Variants in ATP10D observed in about 807,000 individuals in gnomAD.
ATP10D encodes the protein ATPase phospholipid transporting 10D (putative).
ATP10D carries 89 observed loss-of-function variants against 144.8 expected under a neutral mutation model. That is an observed-to-expected ratio of 0.61 (90% CI 0.52 to 0.73). The LOEUF (loss-of-function observed/expected upper bound fraction) is 0.73, where lower values mean the gene tolerates loss of function less well. Ranked by LOEUF, ATP10D falls within the 30% of genes least tolerant of loss-of-function variation. The probability of loss-of-function intolerance (pLI) is 0.00; values close to 1 mark genes in which losing one functional copy is unlikely to be tolerated. For missense variants in ATP10D, 1,603 were observed against 1,714.8 expected (o/e 0.93, Z 1.15); for synonymous variants, 571 against 615.1 (o/e 0.93, Z 1.06).
chr4:47,577,510 G>A (rs1234589382), intron 19 of ATP10D, among the ~76,000 whole-genome samples: 1 of 151,006 alleles, frequency 6.6e-6, no homozygotes, highest in African/African-American at 2.4e-5. Flanking sequence ...GGTTCTTTAT[G>A]GGAATGAAGT....
At chr4:47,514,466 A>T (rs1165128865) in intron 2 of ATP10D, among the ~76,000 whole-genome samples, 4 of 152,216 alleles carry the variant, frequency 2.6e-5, no homozygotes, top group Non-Finnish European at 5.9e-5. Context: ...GGTGACAAAA[A>T]AGAAGTATAT....
At position 47,557,761 on chromosome 4, in the gene ATP10D, C is replaced by G; in HGVS notation, c.1922C>G (p.Ser641Trp). ...TCTGTCCGAAGATCAAGTTCTCCAT[C>G]GCTTAACAGTGGGAAAGAGCCATCT... ...RWSVRRSSSP[S>W]LNSGKEPSSG... The change falls in exon 12 of 23, where the codon TCG (serine) becomes TGG (tryptophan). Residue 641 changes from serine to tryptophan, a missense_variant. Coordinates refer to ENST00000273859, the MANE Select transcript of ATP10D (RefSeq NM_020453.4). 6.2e-7 allele frequency: 1 copy of G among 1,614,218 alleles called. No individual in the cohort carries two copies. The highest frequency in any genetic ancestry group is 8.5e-7 in the Non-Finnish European group (1 of 1,180,034).
chr4:47,572,676 TG>T (rs1720018739), intron 17 of ATP10D, among the ~76,000 whole-genome samples, 195 bp from the exon 18 acceptor site: 6 of 141,902 alleles, frequency 4.2e-5, no homozygotes, highest in Admixed American at 2.9e-4. Flanking sequence ...TGTGTGTGTG[TG>T]TGTTGGATGG....
chr4:47,501,510 A>G (rs1315832979), intron 1 of ATP10D, among the ~76,000 whole-genome samples: 4 of 152,146 alleles, frequency 2.6e-5, no homozygotes, highest in African/African-American at 9.7e-5. Context: ...CTCTTCTCCT[A>G]TTCTCTCTCC....
Position 47,523,226 on chromosome 4 carries a change from A to G in ATP10D, c.690+10A>G. 6.2e-7 allele frequency: 1 copy of G among 1,610,116 alleles called. No individual in the cohort carries two copies. Among genetic ancestry groups the G allele is most frequent in the Non-Finnish European group, 8.5e-7 (1 of 1,176,502 alleles). On this transcript the variant is annotated intron_variant, in intron 4 of 22. Coordinates refer to ENST00000273859, the MANE Select transcript of ATP10D (RefSeq NM_020453.4). ...GGGATATGCAGAACAGGTAAGTCAT[A>G]TGTTCTCAGTTAGTGGCTTATTAAC...
At chr4:47,580,615 C>A in intron 20 of ATP10D, 137 bp downstream of exon 20, 1 of 757,786 alleles carries the variant, frequency 1.3e-6, no homozygotes, top group Non-Finnish European at 2.3e-6. Context: ...AAATTATAAT[C>A]TCCCCAAAAA....
chr4:47,591,222 A>C lies in ATP10D; in HGVS notation c.4122A>C (p.Arg1374Ser), dbSNP rs764328031. Reference protein sequence around the residue: ...ANQSAGKSGRRPMPGPSAVFA... With the variant: ...ANQSAGKSGRSPMPGPSAVFA... ...AATCAGCTGGCAAGTCAGGAAGAAGACCCATGCCTGGCCCTTCTGCTGTAT... is the reference window on the plus strand; with the variant it reads ...AATCAGCTGGCAAGTCAGGAAGAAGCCCCATGCCTGGCCCTTCTGCTGTAT... Residue 1374 changes from arginine (R) to serine (S), a missense_variant, in exon 23 of 23, where the codon AGA becomes AGC. Coordinates refer to ENST00000273859, the MANE Select transcript of ATP10D (RefSeq NM_020453.4). 5.0e-6 allele frequency: 8 copies of C among 1,613,428 alleles called. No homozygotes were observed. The highest frequency in any genetic ancestry group is 6.8e-6 in the Non-Finnish European group (8 of 1,179,614).
Position 47,536,449 on chromosome 4 carries a change from G to A in ATP10D, c.1028G>A (p.Trp343Ter), listed in dbSNP as rs755089954. The change falls in exon 8 of 23, where the codon TGG becomes TAG. Residue 343 changes from tryptophan to a stop codon, truncating the protein, a stop_gained. Coordinates refer to ENST00000273859, the MANE Select transcript of ATP10D (RefSeq NM_020453.4). LOFTEE classifies it high-confidence loss of function. ...TATTTTTTGAAAGGTCATGGAATCT[G>A]GCTGAGCAGGTATGAAAAGATGCAT... ...CLTGAVGHGI[W>*]LSRYEKMHFF... 2 of 1,613,456 alleles carry A rather than the reference G, an allele frequency of 1.2e-6. No individual in the cohort carries two copies. Among genetic ancestry groups the A allele is most frequent in the Non-Finnish European group, 8.5e-7 (1 of 1,179,616 alleles).
chr4:47,555,915 G>T (rs1718970672), intron 11 of ATP10D, among the ~76,000 whole-genome samples: 1 of 152,028 alleles, frequency 6.6e-6, no homozygotes, highest in African/African-American at 2.4e-5. Flanking sequence ...AACCACGCCT[G>T]GCTAATTTTT....
At chr4:47,525,974 C>A (rs1426774676) in intron 5 of ATP10D, among the ~76,000 whole-genome samples, 1 of 152,200 alleles carries the variant, frequency 6.6e-6, no homozygotes, top group South Asian at 2.1e-4. Flanking sequence ...CACTTTGATC[C>A]TCAGTTTCCT....
intron 1 of ATP10D, among the ~76,000 whole-genome samples, chr4:47,498,905 C>T (rs1320470937): frequency 1.3e-5 from 2 of 152,204 alleles, no homozygotes; most frequent in African/African-American, 4.8e-5. Flanking sequence ...CAACTTATCA[C>T]ATGAAGCTGG....
At chr4:47,488,406 A>C (rs1714883416) in intron 1 of ATP10D, among the ~76,000 whole-genome samples, 1 of 152,158 alleles carries the variant, frequency 6.6e-6, no homozygotes, top group East Asian at 1.9e-4. Context: ...TCCTGTTTGC[A>C]TACAAGTTTC....
chr4:47,557,084 C>G, intron 11 of ATP10D: 1 of 152,142 alleles, frequency 6.6e-6, no homozygotes, highest in Non-Finnish European at 1.5e-5. Context: ...TATATTATTA[C>G]TTGTTACTTT....
At chr4:47,495,396 G>A (rs570575021) in intron 1 of ATP10D, among the ~76,000 whole-genome samples, 10 of 152,100 alleles carry the variant, frequency 6.6e-5, no homozygotes, top group Middle Eastern at 3.2e-3. Context: ...AATACATTAA[G>A]TTCTGTGTAT....
chr4:47,593,268 C>T lies in ATP10D; in HGVS notation c.*1887C>T, dbSNP rs1342956354. 1 of 152,006 alleles carries T rather than the reference C, an allele frequency of 6.6e-6. No individual in the cohort carries two copies. The highest frequency in any genetic ancestry group is 1.5e-5 in the Non-Finnish European group (1 of 67,982). 9.4% of individuals were successfully genotyped at this position (152,006 alleles called of 1,614,324 possible). A position where few individuals can be genotyped will look rare whatever the true frequency, so the allele number is the denominator to read the frequency against. ...GGGCCACAATCTCATATCCACAATT[C>T]CAAAATCTCCAAACCTCTGAAAACT... On this transcript the variant is annotated 3_prime_UTR_variant, in exon 23 of 23. Transcript: ENST00000273859.
chr4:47,538,953 C>A (rs940290899), intron 9 of ATP10D, among the ~76,000 whole-genome samples: 2 of 152,162 alleles, frequency 1.3e-5, no homozygotes, highest in Non-Finnish European at 1.5e-5. Context: ...TCAAATTACT[C>A]GAAGTCAGCT....
At chr4:47,522,553 G>A (rs547049642) in intron 3 of ATP10D, among the ~76,000 whole-genome samples, 12 of 152,004 alleles carry the variant, frequency 7.9e-5, no homozygotes, top group South Asian at 2.1e-4. Flanking sequence ...CCAATTCTGC[G>A]GCTTCCCTTT....
chr4:47,526,898 TC>T (rs1717275891), intron 5 of ATP10D, among the ~76,000 whole-genome samples: 2 of 152,158 alleles, frequency 1.3e-5, no homozygotes, highest in Non-Finnish European at 2.9e-5. Context: ...CCCAGATTTA[TC>T]TATAGAGTCA....
In ATP10D at chr4:47,514,392, G is replaced by T. The variant is rs138064385; in HGVS notation, c.291-1084G>T. On this transcript the variant is annotated intron_variant, in intron 2 of 22. Transcript: ENST00000273859. Reference sequence around the variant, plus strand: ...GGTTTAGATGTGGTCCACCTGGAAAGAATTGAAGCCACAGAGTAGCAGAAA... The same window carrying T: ...GGTTTAGATGTGGTCCACCTGGAAATAATTGAAGCCACAGAGTAGCAGAAA... 2.5e-4 allele frequency among the ~76,000 whole-genome samples: 38 copies of T among 152,298 alleles called. No homozygotes were observed. The East Asian group carries it at 6.4e-3, about 26-fold the overall frequency.
Sources: allele counts gnomAD v4.1 joint callset (sites outside exome capture counted in the v4.1 genomes callset), GRCh38; gene constraint gnomAD v4.1.1; transcripts MANE v1.5; gene names NCBI Gene and HGNC (gene_info 2026-07-23, HGNC 2026-07-21).